The following CLMN variants were observed in gnomAD, a reference collection of about 807,000 sequenced individuals.
The protein encoded by CLMN is calmin (calponin-like, transmembrane).
CLMN carries 57 observed loss-of-function variants against 92.7 expected under a neutral mutation model. The observed-to-expected ratio is 0.61, with a 90% CI of 0.50 to 0.77. The LOEUF is 0.77. Among genes scored for constraint, CLMN ranks in the 30% least tolerant of loss-of-function variants. The pLI, the probability that CLMN is intolerant of heterozygous loss-of-function variation, is 0.00. For missense variants in CLMN, 1,158 were observed against 1,237.5 expected (o/e 0.94, Z 0.96); for synonymous variants, 466 against 470.6 (o/e 0.99, Z 0.13).
chr14:95,287,841 G>C (rs1595097443), intron 1 of CLMN, among the ~76,000 whole-genome samples: 1 of 152,124 alleles, frequency 6.6e-6, no homozygotes, highest in East Asian at 1.9e-4. Context: ...GGGCAGAGAG[G>C]CTCCTAGCCA....
chr14:95,276,680 G>C (rs995958003), intron 1 of CLMN, among the ~76,000 whole-genome samples: 1 of 152,048 alleles, frequency 6.6e-6, no homozygotes. Context: ...CTTTCCCAGA[G>C]ACCACATGTT....
chr14:95,219,092 G>A (rs1897444938), intron 4 of CLMN, among the ~76,000 whole-genome samples: 1 of 152,206 alleles, frequency 6.6e-6, no homozygotes, highest in Non-Finnish European at 1.5e-5. Context: ...AGGCACAGAT[G>A]AGTCTCTAAT....
intron 3 of CLMN, chr14:95,222,368 T>C (rs1419540657): frequency 9.8e-6 from 3 of 307,552 alleles, no homozygotes; most frequent in Non-Finnish European, 1.9e-5. Flanking sequence ...CAAGGTTAGC[T>C]CTACATACCA....
chr14:95,290,126 T>C (rs1900506022), intron 1 of CLMN, among the ~76,000 whole-genome samples: 1 of 152,258 alleles, frequency 6.6e-6, no homozygotes, highest in Non-Finnish European at 1.5e-5. Flanking sequence ...TCCAAGGCTG[T>C]TTCTCGTTGA....
chr14:95,314,684 C>T (rs1355958565), intron 1 of CLMN, among the ~76,000 whole-genome samples: 2 of 152,220 alleles, frequency 1.3e-5, no homozygotes. Context: ...CACAATGCTC[C>T]ACCTGGAAAG....
At chr14:95,235,393 T>A (rs1340589373) in intron 1 of CLMN, among the ~76,000 whole-genome samples, 1 of 152,194 alleles carries the variant, frequency 6.6e-6, no homozygotes, top group Non-Finnish European at 1.5e-5. Flanking sequence ...ATGATTAGCA[T>A]CATTTTTTGG....
intron 1 of CLMN, among the ~76,000 whole-genome samples, chr14:95,245,256 T>TATATATATA: frequency 5.4e-5 from 2 of 37,112 alleles, no homozygotes; most frequent in Non-Finnish European, 8.6e-5. Context: ...ATATATATAA[T>TATATATATA]ATATATATAT....
chr14:95,231,171 A>G (rs1040483695), intron 1 of CLMN, among the ~76,000 whole-genome samples: 6 of 151,400 alleles, frequency 4.0e-5, no homozygotes, highest in East Asian at 3.9e-4. Context: ...TGTCAGATCA[A>G]CAGAGGCATT....
chr14:95,218,903 C>A (rs756144804), intron 4 of CLMN, among the ~76,000 whole-genome samples: 3 of 152,254 alleles, frequency 2.0e-5, no homozygotes, highest in Non-Finnish European at 4.4e-5. Context: ...GAAGGCCAGG[C>A]CTTCCCAAGC....
chr14:95,215,471 C>G (rs568701939), intron 5 of CLMN, among the ~76,000 whole-genome samples, 170 bp downstream of exon 5: 3 of 152,208 alleles, frequency 2.0e-5, no homozygotes, highest in Non-Finnish European at 4.4e-5. Context: ...CACAGAGACT[C>G]AAACACTTTA....
intron 3 of CLMN, 42 bp from the exon 4 acceptor site, chr14:95,221,816 A>C (rs767993680): frequency 1.3e-6 from 2 of 1,576,506 alleles, no homozygotes; most frequent in Non-Finnish European, 1.7e-6. Context: ...TTAAACCCGC[A>C]CAGGCACTTC....
intron 9 of CLMN, among the ~76,000 whole-genome samples, chr14:95,199,924 G>A (rs889532082): frequency 1.3e-5 from 2 of 152,084 alleles, no homozygotes; most frequent in Non-Finnish European, 2.9e-5. Flanking sequence ...AGGTTAGAGC[G>A]GGAAGAGTCT....
intron 8 of CLMN, among the ~76,000 whole-genome samples, chr14:95,205,157 A>G (rs1416393954): frequency 6.6e-6 from 1 of 152,158 alleles, no homozygotes; most frequent in Admixed American, 6.5e-5. Context: ...CATAGCTCCT[A>G]TTGACGCTGA....
At chr14:95,260,357 G>T (rs1295834477) in intron 1 of CLMN, among the ~76,000 whole-genome samples, 1 of 152,084 alleles carries the variant, frequency 6.6e-6, no homozygotes, top group Non-Finnish European at 1.5e-5. Flanking sequence ...CAGGAGAATG[G>T]TGTGAACCCA....
chr14:95,264,068 C>T lies in CLMN; in HGVS notation c.83-33935G>A, dbSNP rs571181830. Among the ~76,000 whole-genome samples, 4 of 151,914 alleles carry T rather than the reference C, an allele frequency of 2.6e-5. No individual in the cohort carries two copies. In the South Asian group the frequency reaches 8.3e-4, roughly 32 times the overall value. On this transcript the variant is annotated intron_variant, in intron 1 of 12. Transcript: ENST00000298912. ...TATTTATTTATTTGAGACAGGGTCTCACTCTGTCACCCAGGCTGGACTGCA... is the reference window on the plus strand; with the variant it reads ...TATTTATTTATTTGAGACAGGGTCTTACTCTGTCACCCAGGCTGGACTGCA...
chr14:95,250,941 A>G (rs372958486), intron 1 of CLMN, among the ~76,000 whole-genome samples: 1 of 152,140 alleles, frequency 6.6e-6, no homozygotes, highest in Non-Finnish European at 1.5e-5. Context: ...CAAGCACTAG[A>G]AAAGGTGGCA....
rs576196396 is a variant in CLMN, at chr14:95,241,401, G to A, written c.83-11268C>T. Among the ~76,000 whole-genome samples, 4 of 152,262 alleles carry A rather than the reference G, an allele frequency of 2.6e-5. No homozygotes were observed. In the East Asian group the frequency reaches 7.7e-4, roughly 29 times the overall value. ...AGCATGCCCCAGGGGGAAAGCAGCT[G>A]GGACAGGCAGAACTGGATTCACATG... On this transcript the variant is annotated intron_variant, in intron 1 of 12. Coordinates refer to ENST00000298912, the MANE Select transcript of CLMN (RefSeq NM_024734.4).
rs188283693 is a variant in CLMN at position 95,194,929 on chromosome 14, A to G, written c.2709-333T>C. Among the ~76,000 whole-genome samples the G allele has an allele frequency of 3.3e-5, 5 of 152,352 alleles. No homozygotes were observed. The highest frequency in any genetic ancestry group is 9.6e-5 in the African/African-American group (4 of 41,590). On this transcript the variant is annotated intron_variant, in intron 10 of 12. Transcript: ENST00000298912. The surrounding 1 kb of genome is among the most constrained non-coding windows in gnomAD (Gnocchi z 4.0). ...CAAGCATCCTGATGTGCTGGGACTC[A>G]CCAGAGGTTCTCTGCAATTAGTCAG...
chr14:95,269,421 A>C (rs1393998884), intron 1 of CLMN, among the ~76,000 whole-genome samples: 2 of 152,208 alleles, frequency 1.3e-5, no homozygotes, highest in African/African-American at 4.8e-5. Context: ...ATTGTTCTTC[A>C]AATGGGAAAA....
Sources: gnomAD v4.1 joint callset for allele counts (sites outside exome capture counted in the v4.1 genomes callset) on GRCh38, gnomAD v4.1.1 for gene constraint, Gnocchi (gnomAD v3.1) non-coding constraint, MANE v1.5 for transcripts, NCBI Gene and HGNC (gene_info 2026-07-23, HGNC 2026-07-21) for gene names.